NEK7: variants seen among roughly 807,000 people sequenced by gnomAD.
The protein encoded by NEK7 is NIMA related kinase 7.
Under a neutral mutation model 44.6 loss-of-function variants are expected in NEK7, and 18 were observed. The observed-to-expected ratio is 0.40, with a 90% CI of 0.28 to 0.60. The LOEUF is 0.60. Among genes scored for constraint, NEK7 ranks in the 20% least tolerant of loss-of-function variants. The probability of loss-of-function intolerance (pLI) is 0.38; values close to 1 mark genes in which losing one functional copy is unlikely to be tolerated. For missense variants in NEK7, 256 were observed against 366.5 expected, an observed-to-expected ratio of 0.70 and a Z score of 2.46; for synonymous variants, 130 against 121.1, an observed-to-expected ratio of 1.07 and a Z score of -0.48.
intron 5 of NEK7, among the ~76,000 whole-genome samples, chr1:198,276,574 A>G (rs903472437): frequency 3.3e-5 from 5 of 151,696 alleles, no homozygotes; most frequent in Non-Finnish European, 5.9e-5. Flanking sequence ...ATGATATGGG[A>G]GGTTTCTAAC....
intron 5 of NEK7, among the ~76,000 whole-genome samples, chr1:198,266,898 C>T (rs1653671510): frequency 6.6e-6 from 1 of 151,996 alleles, no homozygotes; most frequent in African/African-American, 2.4e-5. Flanking sequence ...ACAAATCTAC[C>T]CTTTTCTACT....
intron 2 of NEK7, among the ~76,000 whole-genome samples, chr1:198,247,154 A>G (rs1666855938): frequency 6.6e-6 from 1 of 152,240 alleles, no homozygotes; most frequent in Non-Finnish European, 1.5e-5. Context: ...ACAAATGAAC[A>G]TCATGGCAAG....
At chr1:198,216,468 A>C (rs116681101) in intron 1 of NEK7, among the ~76,000 whole-genome samples, 1 of 152,070 alleles carries the variant, frequency 6.6e-6, no homozygotes, top group African/African-American at 2.4e-5. Context: ...CTAAATATCT[A>C]TATCAAAAAG....
At chr1:198,286,861 C>T (rs1654385836) in intron 7 of NEK7, among the ~76,000 whole-genome samples, 1 of 152,176 alleles carries the variant, frequency 6.6e-6, no homozygotes, top group African/African-American at 2.4e-5. Flanking sequence ...TGGCTCCTGG[C>T]TTCCTTCCTC....
intron 3 of NEK7, among the ~76,000 whole-genome samples, chr1:198,261,179 G>T (rs927761117): frequency 6.6e-6 from 1 of 151,922 alleles, no homozygotes; most frequent in Non-Finnish European, 1.5e-5. Context: ...TTCTTCCTTA[G>T]GTTTCTAATA....
At chr1:198,203,536 C>T (rs188960238) in intron 1 of NEK7, among the ~76,000 whole-genome samples, 5 of 152,260 alleles carry the variant, frequency 3.3e-5, no homozygotes, top group African/African-American at 4.8e-5. Context: ...TCTGTCTGTG[C>T]GGACATTGGT....
chr1:198,201,991 A>G (rs1447314761), intron 1 of NEK7, among the ~76,000 whole-genome samples: 1 of 152,184 alleles, frequency 6.6e-6, no homozygotes, highest in East Asian at 1.9e-4. Flanking sequence ...TGTAGTTTGG[A>G]TTTAGCACCA....
rs376702458 is a variant in NEK7, at chr1:198,242,365, G to T, written c.57+9728G>T. On this transcript the variant is annotated intron_variant, in intron 2 of 9. Transcript: ENST00000367385. ...TACTCTTGCTGTCAAAGTGTAATAT[G>T]ATTTTCTCAGTGCTTACCTCTTTTT... is the stretch of plus-strand genomic sequence containing the variant. Among the ~76,000 whole-genome samples, 5 of 149,714 alleles carry T rather than the reference G, an allele frequency of 3.3e-5. No homozygotes were observed. In the East Asian group the frequency reaches 9.9e-4, roughly 30 times the overall value.
At chr1:198,211,527 T>C (rs1027549637) in intron 1 of NEK7, among the ~76,000 whole-genome samples, 1 of 152,226 alleles carries the variant, frequency 6.6e-6, no homozygotes, top group Non-Finnish European at 1.5e-5. Context: ...TGAGGTGTTT[T>C]AATATTTTTA....
At chr1:198,315,038 G>A (rs1052576946) in intron 9 of NEK7, among the ~76,000 whole-genome samples, 32 of 152,114 alleles carry the variant, frequency 2.1e-4, no homozygotes, top group African/African-American at 6.3e-4. Context: ...CAGCCTCGCC[G>A]CCACCTTGCA....
At chr1:198,168,191 C>T (rs1664325972) in intron 1 of NEK7, among the ~76,000 whole-genome samples, 1 of 152,150 alleles carries the variant, frequency 6.6e-6, no homozygotes, top group Admixed American at 6.5e-5. Flanking sequence ...TAGGTTCTGA[C>T]ACTTAGTGTG....
chr1:198,174,809 G>A (rs529097944), intron 1 of NEK7, among the ~76,000 whole-genome samples: 77 of 152,196 alleles, frequency 5.1e-4, no homozygotes, highest in Non-Finnish European at 9.1e-4. Context: ...CCAGGCTGGA[G>A]CATTGTGGCA....
At chr1:198,315,108 C>G (rs556850590) in intron 9 of NEK7, among the ~76,000 whole-genome samples, 1 of 152,214 alleles carries the variant, frequency 6.6e-6, no homozygotes, top group Non-Finnish European at 1.5e-5. Context: ...TAGGACCCTC[C>G]GAGCCAGATG....
intron 9 of NEK7, among the ~76,000 whole-genome samples, chr1:198,301,101 A>G (rs2103019573): frequency 6.6e-6 from 1 of 152,358 alleles, no homozygotes; most frequent in South Asian, 2.1e-4. Flanking sequence ...ATTATTTTGA[A>G]ATTTAACTGA....
chr1:198,183,929 G>A (rs575258379), intron 1 of NEK7, among the ~76,000 whole-genome samples: 9 of 152,104 alleles, frequency 5.9e-5, no homozygotes, highest in South Asian at 2.1e-4. Flanking sequence ...CCTTTATTCC[G>A]TTTTATCCTA....
At chr1:198,249,335 G>A (rs895066218) in intron 2 of NEK7, among the ~76,000 whole-genome samples, 2 of 152,182 alleles carry the variant, frequency 1.3e-5, no homozygotes, top group Non-Finnish European at 2.9e-5. Context: ...GTTGGGAATA[G>A]TGCTGCAATA....
chr1:198,273,706 T>A (rs1379870378), intron 5 of NEK7, among the ~76,000 whole-genome samples: 2 of 151,766 alleles, frequency 1.3e-5, no homozygotes, highest in African/African-American at 4.8e-5. Flanking sequence ...AATGGACCAA[T>A]AGGGATCTCT....
intron 1 of NEK7, among the ~76,000 whole-genome samples, chr1:198,203,455 T>G (rs1189547361): frequency 6.6e-6 from 1 of 152,152 alleles, no homozygotes; most frequent in Non-Finnish European, 1.5e-5. Context: ...CATGGAAAGG[T>G]TTGAGAAGCA....
At chr1:198,209,444 C>T (rs1665701371) in intron 1 of NEK7, among the ~76,000 whole-genome samples, 1 of 151,998 alleles carries the variant, frequency 6.6e-6, no homozygotes, top group African/African-American at 2.4e-5. Context: ...AAAGGATTTC[C>T]TAACCTTATT....
Sources: allele counts gnomAD v4.1 joint callset (sites outside exome capture counted in the v4.1 genomes callset), GRCh38; gene constraint gnomAD v4.1.1; transcripts MANE v1.5; gene names NCBI Gene and HGNC (gene_info 2026-07-23, HGNC 2026-07-21).